Variants in PCDHGA2 observed in about 807,000 individuals in gnomAD.
PCDHGA2 encodes the protein protocadherin gamma subfamily A, 2.
Under a neutral mutation model 59.2 loss-of-function variants are expected in PCDHGA2, and 40 were observed. The observed-to-expected ratio is 0.68, with a 90% CI of 0.52 to 0.88. The LOEUF is 0.88. Ranked by LOEUF, PCDHGA2 falls within the 40% of genes least tolerant of loss-of-function variation. The pLI, the probability that PCDHGA2 is intolerant of heterozygous loss-of-function variation, is 0.00. For synonymous variants in PCDHGA2, 560 were observed against 526.0 expected (o/e 1.06, Z -0.89); for missense variants, 1,226 against 1,204.0 (o/e 1.02, Z -0.27).
chr5:141,357,735 A>G, intron 1 of PCDHGA2: 2 of 1,327,896 alleles, frequency 1.5e-6, no homozygotes, highest in Non-Finnish European at 2.0e-6. Flanking sequence ...TTAATATTTT[A>G]TTGCTTTAAA....
At chr5:141,441,655 C>A in intron 1 of PCDHGA2, 1 of 247,430 alleles carries the variant, frequency 4.0e-6, no homozygotes. Context: ...TTCTAGGTGT[C>A]CTTGAGCGCA....
chr5:141,426,691 G>A, intron 1 of PCDHGA2: 1 of 435,886 alleles, frequency 2.3e-6, no homozygotes, highest in South Asian at 1.6e-5. Context: ...CCCCAAAATA[G>A]CATTGTTTTA....
At chr5:141,492,487 C>G (rs1031047955) in intron 1 of PCDHGA2, among the ~76,000 whole-genome samples, 1 of 152,222 alleles carries the variant, frequency 6.6e-6, no homozygotes, top group Non-Finnish European at 1.5e-5. Flanking sequence ...CGCCCAGGAC[C>G]AGGCGAGGAC....
At chr5:141,376,042 T>G (rs768343920) in intron 1 of PCDHGA2, 34 of 1,613,010 alleles carry the variant, frequency 2.1e-5, no homozygotes, top group Middle Eastern at 1.7e-4. Flanking sequence ...GCCAGCCCCC[T>G]CTCTCCGCCA....
intron 1 of PCDHGA2, among the ~76,000 whole-genome samples, chr5:141,382,339 C>A (rs1018758986): frequency 2.6e-5 from 4 of 152,082 alleles, no homozygotes; most frequent in African/African-American, 9.7e-5. Context: ...TAAGTAAAAT[C>A]TTTCATATGT....
intron 1 of PCDHGA2, chr5:141,351,783 G>T (rs1758821393): frequency 1.2e-6 from 2 of 1,613,334 alleles, no homozygotes; most frequent in Admixed American, 1.7e-5. Context: ...CCGCAGAGCG[G>T]GGTGGTGTTC....
At chr5:141,344,271 C>T in intron 1 of PCDHGA2, 1 of 1,614,086 alleles carries the variant, frequency 6.2e-7, no homozygotes, top group Non-Finnish European at 8.5e-7. Context: ...TCTGAATCCG[C>T]AAAGCGGCAG....
chr5:141,394,749 G>A (rs1270810324), intron 1 of PCDHGA2: 2 of 1,613,424 alleles, frequency 1.2e-6, no homozygotes, highest in Non-Finnish European at 8.5e-7. Flanking sequence ...CGTGGTGGCC[G>A]TCCAGGACCA....
At chr5:141,344,029 A>G in intron 1 of PCDHGA2, 1 of 1,529,670 alleles carries the variant, frequency 6.5e-7, no homozygotes, top group Non-Finnish European at 8.8e-7. Context: ...TTCACCGAAA[A>G]GGAAATGACC....
intron 3 of PCDHGA2, among the ~76,000 whole-genome samples, chr5:141,509,347 C>A (rs755234053): frequency 2.6e-5 from 4 of 152,142 alleles, no homozygotes; most frequent in Non-Finnish European, 5.9e-5. Context: ...CCTGGGCTGG[C>A]CTGGGCATCC....
chr5:141,345,777 G>A lies in PCDHGA2; in HGVS notation c.2424+4382G>A. 1.2e-6 allele frequency: 2 copies of A among 1,614,122 alleles called. No individual in the cohort carries two copies. Among genetic ancestry groups the A allele is most frequent in the East Asian group, 2.2e-5 (1 of 44,862 alleles). On this transcript the variant is annotated intron_variant, in intron 1 of 3. Transcript: ENST00000394576. ...TGGCGTGGAGCTGGCGCCTCGCTCCGCAGAGCCCGGCTACCTGGTGACCAA... is the reference window on the plus strand; with the variant it reads ...TGGCGTGGAGCTGGCGCCTCGCTCCACAGAGCCCGGCTACCTGGTGACCAA...
At position 141,491,116 on chromosome 5, in the gene PCDHGA2, GGT is replaced by G. The variant is rs2099708409; in HGVS notation, c.2425-3689_2425-3688del. The G allele has an allele frequency of 1.2e-6, 2 of 1,614,178 alleles. No individual in the cohort carries two copies. Among genetic ancestry groups the G allele is most frequent in the Non-Finnish European group, 1.7e-6 (2 of 1,180,024 alleles). On this transcript the variant is annotated intron_variant, in intron 1 of 3. Transcript: ENST00000394576. This position sits in a 1 kb window ranked among gnomAD's most constrained non-coding sequence, Gnocchi z 6.9. Reference sequence around the variant, plus strand: ...ACTGTTCCTCGTGTCTACACACACTGGTGAGGTGCGCACAGCCCGGGCCTTAC... The same window carrying G: ...ACTGTTCCTCGTGTCTACACACACTGGAGGTGCGCACAGCCCGGGCCTTAC...
chr5:141,430,493 C>G (rs1232369484), intron 1 of PCDHGA2: 1 of 285,344 alleles, frequency 3.5e-6, no homozygotes, highest in African/African-American at 2.2e-5. Flanking sequence ...ACGAAATATC[C>G]TTTCTGGGAG....
chr5:141,422,828 T>C (rs1273420440), intron 1 of PCDHGA2: 2 of 1,614,232 alleles, frequency 1.2e-6, no homozygotes, highest in East Asian at 4.5e-5. Context: ...CTGAGAGTGA[T>C]AGCACGTGAC....
intron 1 of PCDHGA2, chr5:141,393,874 G>T (rs1226947734): frequency 1.2e-6 from 2 of 1,613,826 alleles, no homozygotes; most frequent in Non-Finnish European, 1.7e-6. Flanking sequence ...TCTTTGTTTA[G>T]CCCAGTGTTA....
At chr5:141,362,052 C>T (rs1344893342) in intron 1 of PCDHGA2, 1 of 1,611,434 alleles carries the variant, frequency 6.2e-7, no homozygotes, top group African/African-American at 1.3e-5. Context: ...ACGCGGCCCG[C>T]CAGCGCCTGC....
Position 141,374,036 on chromosome 5 carries a change from T to A in PCDHGA2, c.2424+32641T>A, listed in dbSNP as rs1197277740. On this transcript the variant is annotated intron_variant, in intron 1 of 3. Coordinates refer to ENST00000394576, the MANE Select transcript of PCDHGA2 (RefSeq NM_018915.4). The stretch of plus-strand genomic sequence containing the variant: ...CTGAGAAGAGCAAAAGTGATGCAGA[T>A]CTGTTCTTCCTCTTCTTAATCCCAG... 3.5e-6 allele frequency: 5 copies of A among 1,445,796 alleles called. No individual in the cohort carries two copies. In the Admixed American group the frequency reaches 1.1e-4, roughly 32 times the overall value. 89.6% of individuals were successfully genotyped at this position (1,445,796 alleles called of 1,614,324 possible). A position where few individuals can be genotyped will look rare whatever the true frequency, so the allele number is the denominator to read the frequency against.
At chr5:141,461,441 T>A (rs959248029) in intron 1 of PCDHGA2, among the ~76,000 whole-genome samples, 7 of 152,194 alleles carry the variant, frequency 4.6e-5, no homozygotes, top group Admixed American at 4.6e-4. Flanking sequence ...TACCTTCTTT[T>A]GAGAAATGGC....
At chr5:141,508,295 G>C (rs989632251) in intron 3 of PCDHGA2, 5 of 152,202 alleles carry the variant, frequency 3.3e-5, no homozygotes, top group Non-Finnish European at 7.3e-5. Context: ...TGGGCCTTGG[G>C]GGGAGTGGGG....
Sources: gnomAD v4.1 joint callset for allele counts (sites outside exome capture counted in the v4.1 genomes callset) on GRCh38, gnomAD v4.1.1 for gene constraint, Gnocchi (gnomAD v3.1) non-coding constraint, MANE v1.5 for transcripts, NCBI Gene and HGNC (gene_info 2026-07-23, HGNC 2026-07-21) for gene names.